The following EYA1 variants were observed in gnomAD, a reference collection of about 807,000 sequenced individuals.
The protein encoded by EYA1 is EYA transcriptional coactivator and phosphatase 1, also known as protein phosphatase EYA1.
Under a neutral mutation model 82.0 loss-of-function variants are expected in EYA1, and 16 were observed. The ratio of observed to expected loss-of-function variants is 0.20; its 90% CI spans 0.13 to 0.30. The LOEUF is 0.30. EYA1 is among the 10% of genes least tolerant of loss of function. The pLI, the probability that EYA1 is intolerant of heterozygous loss-of-function variation, is 1.00. For missense variants in EYA1, 633 were observed against 730.7 expected (o/e 0.87, Z 1.54); for synonymous variants, 261 against 264.4 (o/e 0.99, Z 0.12).
intron 2 of EYA1, among the ~76,000 whole-genome samples, chr8:71,472,615 A>C (rs1208473805): frequency 1.3e-5 from 2 of 151,760 alleles, no homozygotes; most frequent in African/African-American, 4.8e-5. Flanking sequence ...ATTTTTCTTC[A>C]CAATAAGGAA....
At position 71,232,175 on chromosome 8, in the gene EYA1, A is replaced by AT. The variant is rs1233821651; in HGVS notation, c.1140+12427_1140+12428insA. 9.2e-5 allele frequency among the ~76,000 whole-genome samples: 14 copies of AT among 152,366 alleles called. No homozygotes were observed. The East Asian group carries it at 2.5e-3, about 27-fold the overall frequency. Reference sequence around the variant, plus strand: ...CCACATGTGTAAACTGCAGATAATAAGATTGAATTCACAGTGTTGATGGAG... The same window carrying AT: ...CCACATGTGTAAACTGCAGATAATAATGATTGAATTCACAGTGTTGATGGAG... On this transcript the variant is annotated intron_variant, in intron 12 of 17. Transcript: ENST00000340726.
At chr8:71,265,401 T>C (rs577907537) in intron 11 of EYA1, among the ~76,000 whole-genome samples, 12 of 152,342 alleles carry the variant, frequency 7.9e-5, no homozygotes, top group Admixed American at 2.0e-4. Context: ...TGATTAAACA[T>C]ACTAAGCTTT....
chr8:71,426,993 T>C (rs1805277261), intron 2 of EYA1, among the ~76,000 whole-genome samples: 1 of 152,236 alleles, frequency 6.6e-6, no homozygotes, highest in African/African-American at 2.4e-5. Context: ...TTGCATAAGA[T>C]AGATTGTACA....
At chr8:71,363,399 AATTCCT>A (rs1827557797), upstream of EYA1, among the ~76,000 whole-genome samples, 1 of 152,180 alleles carries the variant, frequency 6.6e-6, no homozygotes, top group Non-Finnish European at 1.5e-5. Context: ...TGCCAATCTG[AATTCCT>A]CAGAAAAGAA....
intron 2 of EYA1, among the ~76,000 whole-genome samples, chr8:71,517,261 C>G (rs1417527140): frequency 6.6e-6 from 1 of 152,030 alleles, no homozygotes; most frequent in African/African-American, 2.4e-5. Flanking sequence ...CTACAAACAT[C>G]ATTTGAGTTG....
intron 7 of EYA1, among the ~76,000 whole-genome samples, chr8:71,314,627 G>A (rs1036484902): frequency 5.9e-5 from 9 of 152,156 alleles, no homozygotes; most frequent in East Asian, 1.9e-4. Context: ...TGAGAATCAC[G>A]TGAGTGCTCA....
chr8:71,225,037 G>A (rs1810392655), intron 12 of EYA1: 1 of 272,194 alleles, frequency 3.7e-6, no homozygotes, highest in Non-Finnish European at 7.5e-6. Flanking sequence ...TAGGCTCCGT[G>A]ATAAAGACCC....
chr8:71,234,135 G>C (rs923872600), intron 12 of EYA1, among the ~76,000 whole-genome samples: 1 of 152,160 alleles, frequency 6.6e-6, no homozygotes, highest in East Asian at 1.9e-4. Context: ...TGTAACCTGT[G>C]CTCCGGATTT....
At chr8:71,336,139 C>A (rs542313316) in intron 3 of EYA1, among the ~76,000 whole-genome samples, 1 of 152,244 alleles carries the variant, frequency 6.6e-6, no homozygotes, top group African/African-American at 2.4e-5. Context: ...CAGTAAGGGG[C>A]AGAAATAAGA....
chr8:71,488,951 G>T (rs547583265), intron 2 of EYA1, among the ~76,000 whole-genome samples: 1 of 152,240 alleles, frequency 6.6e-6, no homozygotes, highest in South Asian at 2.1e-4. Flanking sequence ...TATGTTGAGG[G>T]CTTTCTAAGA....
intron 2 of EYA1, chr8:71,529,763 A>G (rs913157302): frequency 4.6e-5 from 7 of 152,214 alleles, no homozygotes; most frequent in Admixed American, 3.3e-4. Flanking sequence ...AGGGGAACAG[A>G]GAAAGCCAGT....
chr8:71,292,422 C>A (rs2128989381), intron 9 of EYA1, among the ~76,000 whole-genome samples: 1 of 152,084 alleles, frequency 6.6e-6, no homozygotes, highest in Middle Eastern at 3.4e-3. Context: ...TCATGGATTT[C>A]ATTGTGACAC....
chr8:71,234,538 G>A (rs1426471223), intron 12 of EYA1, among the ~76,000 whole-genome samples: 1 of 152,084 alleles, frequency 6.6e-6, no homozygotes, highest in African/African-American at 2.4e-5. Flanking sequence ...TTTGACACAG[G>A]AGTATACCAC....
chr8:71,535,917 T>G (rs1814676088), intron 1 of EYA1: 1 of 455,662 alleles, frequency 2.2e-6, no homozygotes, highest in Admixed American at 4.2e-5. Flanking sequence ...GGCCTTCACA[T>G]CTGCAGCTTT....
chr8:71,402,436 ATAAACTATTAT>A, intron 2 of EYA1, among the ~76,000 whole-genome samples: 1 of 152,364 alleles, frequency 6.6e-6, no homozygotes, highest in Middle Eastern at 3.4e-3. Context: ...AAAGAAAACA[ATAAACTATTAT>A]TAAGTAGTAT....
At chr8:71,524,402 A>G (rs1264498963) in intron 2 of EYA1, among the ~76,000 whole-genome samples, 1 of 152,230 alleles carries the variant, frequency 6.6e-6, no homozygotes, top group Non-Finnish European at 1.5e-5. Context: ...AATAGAAATT[A>G]GAAATGTTAT....
intron 11 of EYA1, among the ~76,000 whole-genome samples, chr8:71,268,755 A>G (rs1311378725): frequency 6.6e-6 from 1 of 152,226 alleles, no homozygotes; most frequent in Non-Finnish European, 1.5e-5. Context: ...TAAATCCCCC[A>G]GACTGCATAT....
intron 2 of EYA1, chr8:71,471,064 G>A (rs920244135): frequency 2.7e-6 from 1 of 366,180 alleles, no homozygotes; most frequent in African/African-American, 2.1e-5. Context: ...TAAACAATGT[G>A]TGGTACAAAA....
chr8:71,265,153 T>C (rs142946651), intron 11 of EYA1, among the ~76,000 whole-genome samples: 14 of 148,180 alleles, frequency 9.4e-5, no homozygotes, highest in African/African-American at 3.6e-4. Context: ...AATTCAAGTT[T>C]TTGTTTTTGT....
Sources: allele counts gnomAD v4.1 joint callset (sites outside exome capture counted in the v4.1 genomes callset), GRCh38; gene constraint gnomAD v4.1.1; transcripts MANE v1.5; gene names NCBI Gene and HGNC (gene_info 2026-07-23, HGNC 2026-07-21).